RNF19B: variants seen among roughly 807,000 people sequenced by gnomAD.
RNF19B encodes the protein E3 ubiquitin-protein ligase RNF19B.
A neutral mutation model predicts 65.5 loss-of-function variants in RNF19B; 23 were observed. The ratio of observed to expected loss-of-function variants is 0.35; its 90% CI spans 0.25 to 0.50. The LOEUF is 0.50. Among genes scored for constraint, RNF19B ranks in the 20% least tolerant of loss-of-function variants. The pLI is 0.98. For synonymous variants in RNF19B, 372 were observed against 379.6 expected, an observed-to-expected ratio of 0.98 and a Z score of 0.23; for missense variants, 794 against 980.0, an observed-to-expected ratio of 0.81 and a Z score of 2.53.
At position 32,964,760 on chromosome 1, in the gene RNF19B, C is replaced by CCGGCCGCCGCCGACGCCG; in HGVS notation, c.-93_-76dup. 7.9e-7 allele frequency: 1 copy of CCGGCCGCCGCCGACGCCG among 1,261,076 alleles called. No homozygotes were observed. The highest frequency in any genetic ancestry group is 1.0e-6 in the Non-Finnish European group (1 of 994,748). 78.1% of individuals were successfully genotyped at this position (1,261,076 alleles called of 1,614,324 possible). On this transcript the variant is annotated 5_prime_UTR_variant, in exon 1 of 9. Coordinates refer to ENST00000235150, the MANE Select transcript of RNF19B (RefSeq NM_001300826.2). The surrounding 1 kb of genome is among the most constrained non-coding windows in gnomAD (Gnocchi z 6.5). ...CGCCTCAGCGCCCCTCAGCCAGCGC[C>CCGGCCGCCGCCGACGCCG]CGGCCGCCGCCGACGCCGCCACCAC...
intron 2 of RNF19B, 74 bp from the exon 3 acceptor site, chr1:32,948,437 G>A (rs1557573375): frequency 6.7e-7 from 1 of 1,501,418 alleles, no homozygotes; most frequent in Non-Finnish European, 9.1e-7. Flanking sequence ...TTGTTCCTAG[G>A]AGTATATATA....
At position 32,948,294 on chromosome 1, in the gene RNF19B, A is replaced by G; in HGVS notation, c.911T>C (p.Met304Thr). ...IKMNDGSCNH[M>T]TCAVCGCEFC... Reference sequence around the variant, plus strand: ...TTCACAGCCACACACTGCACAGGTCATGTGATTACAGCTTCCATCATTCAT... The same window carrying G: ...TTCACAGCCACACACTGCACAGGTCGTGTGATTACAGCTTCCATCATTCAT... Residue 304 changes from methionine (M) to threonine (T), a missense_variant, in exon 3 of 9, where the codon ATG becomes ACG. Physicochemically the swap from Met to Thr is moderately conservative, Grantham distance 81. Coordinates refer to ENST00000235150, the MANE Select transcript of RNF19B (RefSeq NM_001300826.2). The G allele has an allele frequency of 6.2e-7, 1 of 1,614,102 alleles. No individual in the cohort carries two copies.
At chr1:32,932,809 C>T (rs1642042793), downstream of RNF19B, among the ~76,000 whole-genome samples, 2 of 152,196 alleles carry the variant, frequency 1.3e-5, no homozygotes, top group South Asian at 2.1e-4. Context: ...ACTACTCTCC[C>T]CACCTTGGTC....
At position 32,936,729 on chromosome 1, in the gene RNF19B, C is replaced by CT; in HGVS notation, c.*76dup. The CT allele has an allele frequency of 7.7e-7, 1 of 1,303,172 alleles. No homozygotes were observed. The highest frequency in any genetic ancestry group is 1.0e-6 in the Non-Finnish European group (1 of 969,732). The allele number at this position is 1,303,172 out of a possible 1,614,324, so 80.7% of individuals were successfully genotyped here. On this transcript the variant is annotated 3_prime_UTR_variant, in exon 9 of 9. Coordinates refer to ENST00000235150, the MANE Select transcript of RNF19B (RefSeq NM_001300826.2). ...AAATAAAATACATAAATCTCTACCC[C>CT]TTGGAAAAAAAAAAAAAAAAATTCC...
At chr1:32,957,478 T>A (rs1557580854) in intron 1 of RNF19B, among the ~76,000 whole-genome samples, 1 of 152,210 alleles carries the variant, frequency 6.6e-6, no homozygotes, top group Non-Finnish European at 1.5e-5. Flanking sequence ...AAGAAAACCA[T>A]GTCTAAGTTC....
At chr1:32,929,806 C>A in the RNF19B span, among the ~76,000 whole-genome samples, 1 of 152,114 alleles carries the variant, frequency 6.6e-6, no homozygotes, top group African/African-American at 2.4e-5. Context: ...TGGTAGGTAA[C>A]CCATGTATTT....
chr1:32,951,695 C>T (rs1463368839), intron 1 of RNF19B, among the ~76,000 whole-genome samples: 4 of 152,166 alleles, frequency 2.6e-5, no homozygotes, highest in Admixed American at 6.5e-5. Flanking sequence ...AAACCTATAC[C>T]TTGAAATGTC....
chr1:32,932,360 G>T (rs927467265), downstream of RNF19B, among the ~76,000 whole-genome samples: 3 of 152,146 alleles, frequency 2.0e-5, no homozygotes, highest in Non-Finnish European at 1.5e-5. Context: ...GAAACCTAAG[G>T]TCTCTACATC....
At chr1:32,951,483 G>A (rs1642498130) in intron 1 of RNF19B, among the ~76,000 whole-genome samples, 1 of 152,224 alleles carries the variant, frequency 6.6e-6, no homozygotes, top group African/African-American at 2.4e-5. Flanking sequence ...GGTCCATTTC[G>A]AGCAAAGGAG....
Position 32,938,931 on chromosome 1 carries a change from G to C in RNF19B, c.1611-403C>G, listed in dbSNP as rs113029607. ...GCATTAAGGTCTTCCTGATCTGCCAGGAAGCTCTCTGTCCAGTTCTATCAC... is the reference window on the plus strand; with the variant it reads ...GCATTAAGGTCTTCCTGATCTGCCACGAAGCTCTCTGTCCAGTTCTATCAC... On this transcript the variant is annotated intron_variant, in intron 7 of 8. Transcript: ENST00000235150. Among the ~76,000 whole-genome samples the C allele has an allele frequency of 1.8e-3, 271 of 152,288 alleles. 2 individuals are homozygous for C. The highest frequency in any genetic ancestry group is 4.1e-3 in the South Asian group (20 of 4,826).
chr1:32,944,713 G>A (rs1356732254), intron 5 of RNF19B, among the ~76,000 whole-genome samples: 1 of 151,136 alleles, frequency 6.6e-6, no homozygotes, highest in African/African-American at 2.4e-5. Context: ...TTTTGAGACG[G>A]AGTCTCACTC....
At chr1:32,954,236 G>T (rs1334630384) in intron 1 of RNF19B, among the ~76,000 whole-genome samples, 2 of 150,726 alleles carry the variant, frequency 1.3e-5, no homozygotes, top group Admixed American at 6.6e-5. Flanking sequence ...TCTTGAAAAA[G>T]AAGAACATTG....
chr1:32,936,691 C>G lies in RNF19B; in HGVS notation c.*115G>C. ...ATTTCCCTGGGCAAAAACCTGTGAC[C>G]AGAGAATCTGTGAAATAAAATACAT... On this transcript the variant is annotated 3_prime_UTR_variant, in exon 9 of 9. Transcript: ENST00000235150. 2.0e-6 allele frequency: 2 copies of G among 1,015,010 alleles called. No individual in the cohort carries two copies. Among genetic ancestry groups the G allele is most frequent in the African/African-American group, 3.4e-5 (2 of 59,234 alleles). The allele number at this position is 1,015,010 out of a possible 1,614,324, so 62.9% of individuals were successfully genotyped here. A position where few individuals can be genotyped will look rare whatever the true frequency, so the allele number is the denominator to read the frequency against.
At chr1:32,933,734 C>A (rs1008175533), downstream of RNF19B, among the ~76,000 whole-genome samples, 2 of 152,142 alleles carry the variant, frequency 1.3e-5, no homozygotes, top group Non-Finnish European at 2.9e-5. Context: ...TAACTCATTT[C>A]TTCTTCTTCC....
Position 32,964,130 on chromosome 1 carries a change from G to A in RNF19B, c.556C>T (p.His186Tyr), listed in dbSNP as rs747655930. 2 of 1,543,268 alleles carry A rather than the reference G, an allele frequency of 1.3e-6. No individual in the cohort carries two copies. The highest frequency in any genetic ancestry group is 1.2e-5 in the South Asian group (1 of 83,418). ...RLLLADPPLMHKYEEFMLRRY... is the reference protein window; with the variant it reads ...RLLLADPPLMYKYEEFMLRRY... ...CGCAGCATGAACTCCTCGTACTTGT[G>A]CATAAGCGGCGGGTCGGCGAGCAGC... The change falls in exon 1 of 9, where the codon CAC becomes TAC. Residue 186 changes from histidine (H) to tyrosine (Y), a missense_variant. By Grantham distance (83) the His-to-Tyr change is moderately conservative (BLOSUM62 2). This residue lies in a region of RNF19B where 374 missense variants were observed against 423.8 expected (regional missense o/e 0.88). Transcript: ENST00000235150. This position sits in a 1 kb window ranked among gnomAD's most constrained non-coding sequence, Gnocchi z 6.5.
rs1642119955 is a variant in RNF19B at position 32,936,970 on chromosome 1, C to A, written c.2032G>T (p.Asp678Tyr). The A allele has an allele frequency of 6.2e-7, 1 of 1,614,118 alleles. No individual in the cohort carries two copies. Among genetic ancestry groups the A allele is most frequent in the Non-Finnish European group, 8.5e-7 (1 of 1,180,016 alleles). ...SSDAQSDDVP[D>Y]ITSDECGSPR... ...GAGCCACACTCATCTGAGGTGATGT[C>A]TGGCACATCGTCTGACTGTGCATCA... The change falls in exon 9 of 9, where the codon GAC becomes TAC. Residue 678 changes from aspartate to tyrosine, a missense_variant. Asp to Tyr is a radical substitution (Grantham distance 160). Transcript: ENST00000235150.
intron 1 of RNF19B, among the ~76,000 whole-genome samples, chr1:32,958,594 T>C (rs898519174): frequency 1.3e-5 from 2 of 151,928 alleles, no homozygotes; most frequent in Non-Finnish European, 2.9e-5. Flanking sequence ...CAGGTGCCTG[T>C]AGTCCCAGCT....
At position 32,946,440 on chromosome 1, in the gene RNF19B, C is replaced by A; in HGVS notation, c.1108G>T (p.Ala370Ser). ...ISLIAGIAIPAMVIGIPVYVG... is the reference protein window; with the variant it reads ...ISLIAGIAIPSMVIGIPVYVG... ...TAAACAGGAATGCCAATGACCATGG[C>A]AGGAATGGCAATGCCAGCAATGAGA... is the stretch of plus-strand genomic sequence containing the variant. The change falls in exon 4 of 9, where the codon GCC becomes TCC. Residue 370 changes from alanine to serine, a missense_variant. By Grantham distance (99) the Ala-to-Ser change is moderately conservative. This residue lies in a region of RNF19B where 52 missense variants were observed against 108.8 expected (regional missense o/e 0.48). Coordinates refer to ENST00000235150, the MANE Select transcript of RNF19B (RefSeq NM_001300826.2). 1 of 1,613,982 alleles carries A rather than the reference C, an allele frequency of 6.2e-7. No individual in the cohort carries two copies. The highest frequency in any genetic ancestry group is 8.5e-7 in the Non-Finnish European group (1 of 1,179,916).
Position 32,964,104 on chromosome 1 carries a change from G to A in RNF19B, c.582C>T (p.Arg194=). The part of the protein sequence containing the change: ...LMHKYEEFML[R]RYLASDPDCR... ...AGTCGGGGTCCGAGGCTAGGTAGCG[G>A]CGCAGCATGAACTCCTCGTACTTGT... Residue 194 remains arginine, a synonymous_variant, in exon 1 of 9, where the codon CGC becomes CGT. Coordinates refer to ENST00000235150, the MANE Select transcript of RNF19B (RefSeq NM_001300826.2). The surrounding 1 kb of genome is among the most constrained non-coding windows in gnomAD (Gnocchi z 6.5). The A allele has an allele frequency of 6.5e-7, 1 of 1,533,310 alleles. No individual in the cohort carries two copies. The allele number at this position is 1,533,310 out of a possible 1,614,324, so 95.0% of individuals were successfully genotyped here.
Sources: gnomAD v4.1 joint callset for allele counts (sites outside exome capture counted in the v4.1 genomes callset) on GRCh38, gnomAD v4.1.1 for gene constraint, gnomAD v4.1.1 regional missense constraint, Gnocchi (gnomAD v3.1) non-coding constraint, MANE v1.5 for transcripts, NCBI Gene and HGNC (gene_info 2026-07-23, HGNC 2026-07-21) for gene names.